The following INPPL1 variants were observed in gnomAD, a reference collection of about 807,000 sequenced individuals.
The protein encoded by INPPL1 is phosphatidylinositol 3,4,5-trisphosphate 5-phosphatase 2.
Under a neutral mutation model 139.3 loss-of-function variants are expected in INPPL1, and 91 were observed. The observed-to-expected ratio is 0.65, with a 90% CI of 0.55 to 0.78. The LOEUF is 0.78. Among genes scored for constraint, INPPL1 ranks in the 30% least tolerant of loss-of-function variants. The pLI, the probability that INPPL1 is intolerant of heterozygous loss-of-function variation, is 0.00. For synonymous variants in INPPL1, 719 were observed against 686.6 expected, an observed-to-expected ratio of 1.05 and a Z score of -0.74; for missense variants, 1,411 against 1,665.6, an observed-to-expected ratio of 0.85 and a Z score of 2.66.
chr11:72,239,129 C>A lies in INPPL1; in HGVS notation c.*776C>A, dbSNP rs1221523982. On this transcript the variant is annotated 3_prime_UTR_variant, in exon 28 of 28. Transcript: ENST00000298229. ...GATTGAGTAAAACTTCAATAAATTA[C>A]AAGTTTTTCAAAGAAAAAGGACAAC... 1 of 152,208 alleles carries A rather than the reference C, an allele frequency of 6.6e-6. No individual in the cohort carries two copies. 9.4% of individuals were successfully genotyped at this position (152,208 alleles called of 1,614,324 possible).
Position 72,230,286 on chromosome 11 carries a change from G to T in INPPL1, c.1090+15G>T. The stretch of plus-strand genomic sequence containing the variant: ...GCACGACCGCAGTGAGCCAGGGCCA[G>T]ACCTGGGAGGGGTGGGCAGGGCGGA... On this transcript the variant is annotated intron_variant, in intron 9 of 27. Coordinates refer to ENST00000298229, the MANE Select transcript of INPPL1 (RefSeq NM_001567.4). The T allele has an allele frequency of 6.2e-7, 1 of 1,609,864 alleles. No individual in the cohort carries two copies. The highest frequency in any genetic ancestry group is 8.5e-7 in the Non-Finnish European group (1 of 1,177,450).
chr11:72,237,171 C>A lies in INPPL1; in HGVS notation c.2927C>A (p.Pro976Gln), dbSNP rs185990433. Residue 976 changes from proline (P) to glutamine (Q), a missense_variant, in exon 26 of 28, where the codon CCA becomes CAA. Pro to Gln is a moderately conservative substitution (Grantham distance 76). This residue lies in a region of INPPL1 where 438 missense variants were observed against 425.7 expected (regional missense o/e 1.03). Transcript: ENST00000298229. ...APEPEGVAAP[P>Q]PKNSFNNPAY... The stretch of plus-strand genomic sequence containing the variant: ...GAACCAGAAGGGGTGGCGGCCCCCC[C>A]ACCCAAGAACAGCTTCAATAACCCT... 3.5e-5 allele frequency: 56 copies of A among 1,603,710 alleles called. No individual in the cohort carries two copies. The Admixed American group carries it at 6.0e-4, about 17-fold the overall frequency.
chr11:72,224,944 C>T lies in INPPL1; in HGVS notation c.-41C>T. ...CCTGAGCGTCTCGGGGCGGATGGCG[C>T]GGGGCGGCGGGGGCGGGCGGTGCTG... is the stretch of plus-strand genomic sequence containing the variant. On this transcript the variant is annotated 5_prime_UTR_variant, in exon 1 of 28. Coordinates refer to ENST00000298229, the MANE Select transcript of INPPL1 (RefSeq NM_001567.4). The T allele has an allele frequency of 1.9e-6, 2 of 1,051,442 alleles. No homozygotes were observed. The highest frequency in any genetic ancestry group is 2.3e-6 in the Non-Finnish European group (2 of 873,770). 65.1% of individuals were successfully genotyped at this position (1,051,442 alleles called of 1,614,324 possible).
intron 4 of INPPL1, 54 bp from the exon 5 acceptor site, chr11:72,229,036 G>C: frequency 6.4e-7 from 1 of 1,559,836 alleles, no homozygotes; most frequent in Admixed American, 1.8e-5. Context: ...ATGGGGCAGA[G>C]GTGCTGGGAC....
Position 72,234,764 on chromosome 11 carries a change from T to TATGGGC in INPPL1, c.2415+159_2415+164dup. 3.2e-6 allele frequency: 2 copies of TATGGGC among 627,464 alleles called. No homozygotes were observed. Among genetic ancestry groups the TATGGGC allele is most frequent in the East Asian group, 5.5e-5 (2 of 36,248 alleles). 38.9% of individuals were successfully genotyped at this position (627,464 alleles called of 1,614,324 possible). On this transcript the variant is annotated intron_variant, in intron 21 of 27. Coordinates refer to ENST00000298229, the MANE Select transcript of INPPL1 (RefSeq NM_001567.4). This position sits in a 1 kb window ranked among gnomAD's most constrained non-coding sequence, Gnocchi z 4.2. ...GTGTGTGTGTGTGTGTGTGTGTGTG[T>TATGGGC]ATGGGCATGGGCATGAGTGAGGATA...
chr11:72,229,925 C>A lies in INPPL1; in HGVS notation c.845C>A (p.Ala282Asp), dbSNP rs1350946817. ...KDFLSGIQKK[A>D]LKALQDMSST... ...CCGCCCTGCCCTTGTTCCCTCCAGG[C>A]CCTGAAGGCCCTACAGGACATGAGC... Residue 282 changes from alanine (A) to aspartate (D), a missense_variant and splice_region_variant, in exon 8 of 28, where the codon GCC becomes GAC. Coordinates refer to ENST00000298229, the MANE Select transcript of INPPL1 (RefSeq NM_001567.4). The A allele has an allele frequency of 6.2e-7, 1 of 1,613,702 alleles. No individual in the cohort carries two copies. Among genetic ancestry groups the A allele is most frequent in the Non-Finnish European group, 8.5e-7 (1 of 1,179,680 alleles).
chr11:72,235,608 G>A lies in INPPL1; in HGVS notation c.2660-67G>A. On this transcript the variant is annotated intron_variant, in intron 23 of 27. Transcript: ENST00000298229. This position sits in a 1 kb window ranked among gnomAD's most constrained non-coding sequence, Gnocchi z 4.9. Reference sequence around the variant, plus strand: ...GGCATAGCTGGGAAAGGGCTGGCAGGCCCACTGGGTGTCTGTGGGATCCAG... The same window carrying A: ...GGCATAGCTGGGAAAGGGCTGGCAGACCCACTGGGTGTCTGTGGGATCCAG... 6.3e-7 allele frequency: 1 copy of A among 1,586,246 alleles called. No individual in the cohort carries two copies. The highest frequency in any genetic ancestry group is 1.1e-5 in the South Asian group (1 of 89,768).
chr11:72,225,038 C>T lies in INPPL1; in HGVS notation c.54C>T (p.Ala18=), dbSNP rs1440895081. 1.6e-5 allele frequency: 20 copies of T among 1,228,194 alleles called. No individual in the cohort carries two copies. In the East Asian group the frequency reaches 5.4e-4, roughly 33 times the overall value. The allele number at this position is 1,228,194 out of a possible 1,614,324, so 76.1% of individuals were successfully genotyped here. Residue 18 remains alanine (A), a synonymous_variant, in exon 1 of 28, where the codon GCC becomes GCT. Transcript: ENST00000298229. ...PGPGGALGSQ[A]PSWYHRDLSR... Reference sequence around the variant, plus strand: ...CGGGGGGCGCCCTGGGCAGCCAGGCCCCCTCCTGGTACCACCGCGACCTGA... The same window carrying T: ...CGGGGGGCGCCCTGGGCAGCCAGGCTCCCTCCTGGTACCACCGCGACCTGA...
Position 72,228,414 on chromosome 11 carries a change from C to G in INPPL1, c.313C>G (p.Pro105Ala), listed in dbSNP as rs372885646. The change falls in exon 3 of 28, where the codon CCC becomes GCC. Residue 105 changes from proline (P) to alanine (A), a missense_variant. Physicochemically the swap from Pro to Ala is conservative, Grantham distance 27. Coordinates refer to ENST00000298229, the MANE Select transcript of INPPL1 (RefSeq NM_001567.4). This position sits in a 1 kb window ranked among gnomAD's most constrained non-coding sequence, Gnocchi z 5.0. Reference sequence around the variant, plus strand: ...TGAGCTCATCGGCCTGTACGCCCAGCCCAACCAGGGCCTTGTGTGCGCCCT... The same window carrying G: ...TGAGCTCATCGGCCTGTACGCCCAGGCCAACCAGGGCCTTGTGTGCGCCCT... ...LGELIGLYAQ[P>A]NQGLVCALLL... is the part of the protein sequence containing the mutation. 5 of 1,613,010 alleles carry G rather than the reference C, an allele frequency of 3.1e-6. No individual in the cohort carries two copies. The South Asian group carries it at 3.3e-5, about 11-fold the overall frequency.
chr11:72,238,062 G>A lies in INPPL1; in HGVS notation c.3573G>A (p.Gly1191=), dbSNP rs1949047656. 2 of 1,563,122 alleles carry A rather than the reference G, an allele frequency of 1.3e-6. No individual in the cohort carries two copies. The highest frequency in any genetic ancestry group is 8.7e-7 in the Non-Finnish European group (1 of 1,155,296). The change falls in exon 27 of 28, where the codon GGG becomes GGA. Residue 1191 remains glycine (G), a synonymous_variant. Coordinates refer to ENST00000298229, the MANE Select transcript of INPPL1 (RefSeq NM_001567.4). The part of the protein sequence containing the change: ...LAEEAPCLQG[G]RASGLGEAGM... ...CTTAGGCTCCGTGCCTGCAGGGCGG[G>A]CGGGCCAGCGGGCTGGGCGAGGCAG...
rs763403486 is a variant in INPPL1 at position 72,235,070 on chromosome 11, G to A, written c.2416-46G>A. ...GGGGCAGCGCGTAGGAGGGGCAGGA[G>A]GAAGTGGCGGGGCTTTGTTCCTCAC... On this transcript the variant is annotated intron_variant, in intron 21 of 27. Coordinates refer to ENST00000298229, the MANE Select transcript of INPPL1 (RefSeq NM_001567.4). This position sits in a 1 kb window ranked among gnomAD's most constrained non-coding sequence, Gnocchi z 4.9. 3.9e-6 allele frequency: 6 copies of A among 1,522,190 alleles called. No individual in the cohort carries two copies. Among genetic ancestry groups the A allele is most frequent in the Non-Finnish European group, 5.5e-6 (6 of 1,099,852 alleles). The allele number at this position is 1,522,190 out of a possible 1,614,324, so 94.3% of individuals were successfully genotyped here. A position where few individuals can be genotyped will look rare whatever the true frequency, so the allele number is the denominator to read the frequency against.
chr11:72,227,350 G>T (rs1948702930), intron 1 of INPPL1, among the ~76,000 whole-genome samples: 1 of 152,186 alleles, frequency 6.6e-6, no homozygotes. Context: ...TGGGTACCCA[G>T]CGTGTCACAG....
At position 72,237,611 on chromosome 11, in the gene INPPL1, G is replaced by A. The variant is rs770610133; in HGVS notation, c.3367G>A (p.Val1123Met). Residue 1123 changes from valine (V) to methionine (M), a missense_variant, in exon 26 of 28, where the codon GTG becomes ATG. Val to Met is a conservative substitution (Grantham distance 21). Coordinates refer to ENST00000298229, the MANE Select transcript of INPPL1 (RefSeq NM_001567.4). ...CAGTGGGGATGACCGGTCCTGCTCGGTGCTGCAGATGGCCAAGACGCTGAG... is the reference window on the plus strand; with the variant it reads ...CAGTGGGGATGACCGGTCCTGCTCGATGCTGCAGATGGCCAAGACGCTGAG... ...VASGDDRSCS[V>M]LQMAKTLSEV... 3.1e-6 allele frequency: 5 copies of A among 1,604,692 alleles called. No individual in the cohort carries two copies. In the African/African-American group the frequency reaches 5.3e-5, roughly 17 times the overall value.
At position 72,238,550 on chromosome 11, in the gene INPPL1, G is replaced by A; in HGVS notation, c.*197G>A. On this transcript the variant is annotated 3_prime_UTR_variant, in exon 28 of 28. Transcript: ENST00000298229. ...CCCTAATTAGGGCATCCTGCCCCTC[G>A]CCTTTTAGGCTCAGGACGGAAGGTC... 4.3e-6 allele frequency: 2 copies of A among 466,026 alleles called. No individual in the cohort carries two copies. The highest frequency in any genetic ancestry group is 3.7e-6 in the Non-Finnish European group (1 of 268,278). 28.9% of individuals were successfully genotyped at this position (466,026 alleles called of 1,614,324 possible).
intron 1 of INPPL1, 133 bp downstream of exon 1, chr11:72,225,299 G>A: frequency 8.2e-7 from 1 of 1,222,044 alleles, no homozygotes; most frequent in Admixed American, 4.3e-5. Context: ...CAGAGTGGGA[G>A]CCTTGGCTTT....
chr11:72,229,121 G>A lies in INPPL1; in HGVS notation c.550G>A (p.Asp184Asn), dbSNP rs747330824. 8 of 1,613,632 alleles carry A rather than the reference G, an allele frequency of 5.0e-6. No homozygotes were observed. In the East Asian group the frequency reaches 6.7e-5, roughly 13 times the overall value. The change falls in exon 5 of 28, where the codon GAC becomes AAC. Residue 184 changes from aspartate to asparagine, a missense_variant. Asp to Asn is a conservative substitution (Grantham distance 23). Transcript: ENST00000298229. ...APNGLSTVSH[D>N]YLKGSYGLDL... ...CAATGGGCTGAGCACCGTCTCGCAC[G>A]ACTACCTGAAAGGCAGCTATGGGCT...
intron 14 of INPPL1, 35 bp downstream of exon 14, chr11:72,232,371 C>A: frequency 6.6e-7 from 1 of 1,521,802 alleles, no homozygotes; most frequent in Non-Finnish European, 8.9e-7. Context: ...CTCTTTACAC[C>A]CATCCCATTC....
intron 1 of INPPL1, chr11:72,227,977 G>GCC: frequency 3.5e-6 from 2 of 570,222 alleles, no homozygotes; most frequent in East Asian, 3.0e-5. Context: ...GTGGGGAGAC[G>GCC]GGGGTGTTCT....
Position 72,228,573 on chromosome 11 carries a change from C to A in INPPL1, c.397+75C>A. 1 of 1,567,694 alleles carries A rather than the reference C, an allele frequency of 6.4e-7. No individual in the cohort carries two copies. Among genetic ancestry groups the A allele is most frequent in the East Asian group, 2.2e-5 (1 of 44,502 alleles). On this transcript the variant is annotated intron_variant, in intron 3 of 27. Transcript: ENST00000298229. The surrounding 1 kb of genome is among the most constrained non-coding windows in gnomAD (Gnocchi z 5.0). ...CCTGCCTCTTCCCATCCCCCCTTCT[C>A]AACCCCACCTCTCCTGTAACCCCCT...
Sources: allele counts gnomAD v4.1 joint callset (sites outside exome capture counted in the v4.1 genomes callset), GRCh38; gene constraint gnomAD v4.1.1; regional missense constraint gnomAD v4.1.1; non-coding constraint Gnocchi (gnomAD v3.1); transcripts MANE v1.5; gene names NCBI Gene and HGNC (gene_info 2026-07-23, HGNC 2026-07-21).